PTPN9: variants seen among roughly 807,000 people sequenced by gnomAD.
PTPN9 encodes protein tyrosine phosphatase non-receptor type 9.
A neutral mutation model predicts 69.8 loss-of-function variants in PTPN9; 26 were observed. The ratio of observed to expected loss-of-function variants is 0.37; its 90% CI spans 0.27 to 0.52. The LOEUF (loss-of-function observed/expected upper bound fraction) is 0.52. PTPN9 is among the 20% of genes least tolerant of loss of function. The pLI is 0.91. For missense variants in PTPN9, 549 were observed against 740.3 expected (o/e 0.74, Z 3.00); for synonymous variants, 274 against 272.5 (o/e 1.01, Z -0.05).
In PTPN9 at chr15:75,500,276, C is replaced by T. The variant is rs2074765318; in HGVS notation, c.968+5399G>A. Among the ~76,000 whole-genome samples, 3 of 152,010 alleles carry T rather than the reference C, an allele frequency of 2.0e-5. No individual in the cohort carries two copies. In the South Asian group the frequency reaches 6.2e-4, roughly 32 times the overall value. ...GCAGTGGGCTGAGATCGTGGCACTG[C>T]ACTCTAGCCTGGCCGAGAGTGAGAC... On this transcript the variant is annotated intron_variant, in intron 7 of 12. Coordinates refer to ENST00000618819, the MANE Select transcript of PTPN9 (RefSeq NM_002833.4).
intron 8 of PTPN9, among the ~76,000 whole-genome samples, chr15:75,485,021 G>A (rs577691199): frequency 6.6e-6 from 1 of 152,136 alleles, no homozygotes; most frequent in African/African-American, 2.4e-5. Context: ...TGATAAACTC[G>A]GAGTTTTCCC....
At chr15:75,561,971 G>A (rs745950748) in intron 1 of PTPN9, among the ~76,000 whole-genome samples, 1 of 152,278 alleles carries the variant, frequency 6.6e-6, no homozygotes, top group South Asian at 2.1e-4. Context: ...GCAGCCCAAA[G>A]TGCTGGCATT....
At chr15:75,499,482 A>G (rs1277263303) in intron 7 of PTPN9, among the ~76,000 whole-genome samples, 1 of 141,560 alleles carries the variant, frequency 7.1e-6, no homozygotes, top group Non-Finnish European at 1.5e-5. Flanking sequence ...CTTGGCTCAC[A>G]GCAACCTCCG....
intron 1 of PTPN9, among the ~76,000 whole-genome samples, chr15:75,562,694 T>G (rs1306272833): frequency 7.0e-6 from 1 of 141,966 alleles, no homozygotes; most frequent in Non-Finnish European, 1.5e-5. Context: ...TAGCCGGGTG[T>G]GGTGGCGGGC....
At chr15:75,499,407 T>TTC (rs1422369559) in intron 7 of PTPN9, among the ~76,000 whole-genome samples, 1 of 142,534 alleles carries the variant, frequency 7.0e-6, no homozygotes, top group Non-Finnish European at 1.5e-5. Context: ...CACTTTTTTT[T>TTC]TTTTTTTTTT....
At chr15:75,574,059 A>G (rs1336534847) in intron 1 of PTPN9, among the ~76,000 whole-genome samples, 1 of 152,194 alleles carries the variant, frequency 6.6e-6, no homozygotes, top group Non-Finnish European at 1.5e-5. Context: ...CATGGAGCAG[A>G]GACAAGTGTG....
intron 1 of PTPN9, among the ~76,000 whole-genome samples, chr15:75,575,568 T>C (rs965052223): frequency 6.6e-6 from 1 of 152,200 alleles, no homozygotes; most frequent in East Asian, 1.9e-4. Flanking sequence ...TGAGGACCAC[T>C]TTGATAAGGC....
At chr15:75,556,593 G>T (rs2075078372) in intron 1 of PTPN9, among the ~76,000 whole-genome samples, 1 of 151,914 alleles carries the variant, frequency 6.6e-6, no homozygotes, top group South Asian at 2.1e-4. Flanking sequence ...GCCCAGGCTG[G>T]TCTCAAACTC....
chr15:75,472,779 CA>C (rs71440239), intron 10 of PTPN9, among the ~76,000 whole-genome samples: 27 of 136,104 alleles, frequency 2.0e-4, no homozygotes, highest in Admixed American at 3.0e-4. Context: ...ACACCATCTC[CA>C]AAAAAAAAAA....
intron 1 of PTPN9, among the ~76,000 whole-genome samples, chr15:75,557,402 T>C (rs112666812): frequency 0.18 from 27,723 of 151,114 alleles, 3,168 homozygotes; most frequent in Non-Finnish European, 0.26. Flanking sequence ...TCCAGCCTGG[T>C]CGACAGAATG....
intron 4 of PTPN9, 69 bp from the exon 5 acceptor site, chr15:75,517,433 T>G (rs2074876409): frequency 7.9e-7 from 1 of 1,269,616 alleles, no homozygotes; most frequent in African/African-American, 1.5e-5. Flanking sequence ...GAAAGCCTAA[T>G]GCCAAAACAA....
At chr15:75,540,559 A>AAAAG (rs371414252) in intron 1 of PTPN9, among the ~76,000 whole-genome samples, 2,137 of 106,680 alleles carry the variant, frequency 0.02, 112 homozygotes, top group Admixed American at 0.11. Context: ...AAAAAAAAAA[A>AAAAG]AAAGAAAGAA....
chr15:75,561,077 A>G (rs1269618069), intron 1 of PTPN9, among the ~76,000 whole-genome samples: 1 of 151,624 alleles, frequency 6.6e-6, no homozygotes, highest in Non-Finnish European at 1.5e-5. Context: ...AGCACTTTGG[A>G]GGCCGAGGCA....
chr15:75,527,871 A>G (rs1218201577), intron 1 of PTPN9, among the ~76,000 whole-genome samples: 1 of 151,970 alleles, frequency 6.6e-6, no homozygotes, highest in Non-Finnish European at 1.5e-5. Flanking sequence ...AAAAAGAAAG[A>G]AAGAAAAAAA....
intron 1 of PTPN9, among the ~76,000 whole-genome samples, chr15:75,541,685 C>T (rs1015428659): frequency 1.3e-5 from 2 of 152,042 alleles, no homozygotes; most frequent in East Asian, 2.0e-4. Context: ...GGATTACAGG[C>T]GTGAGCCACT....
At chr15:75,505,440 C>T (rs913567655) in intron 7 of PTPN9, among the ~76,000 whole-genome samples, 5 of 147,776 alleles carry the variant, frequency 3.4e-5, no homozygotes, top group South Asian at 2.2e-4. Context: ...CGAGAAACAC[C>T]CAAGAATGAT....
At chr15:75,578,010 G>A (rs1345496215) in intron 1 of PTPN9, among the ~76,000 whole-genome samples, 2 of 152,130 alleles carry the variant, frequency 1.3e-5, no homozygotes, top group Non-Finnish European at 2.9e-5. Flanking sequence ...AAAACTAAAG[G>A]TCATAGGCTT....
chr15:75,568,663 C>T (rs1048324797), intron 1 of PTPN9, among the ~76,000 whole-genome samples: 2 of 149,658 alleles, frequency 1.3e-5, no homozygotes, highest in African/African-American at 4.9e-5. Context: ...AGCAATACCC[C>T]CATCTCTTTA....
chr15:75,500,561 G>GA (rs1555454406), intron 7 of PTPN9, among the ~76,000 whole-genome samples: 1 of 152,016 alleles, frequency 6.6e-6, no homozygotes, highest in Admixed American at 6.6e-5. Flanking sequence ...GACTTTAAGG[G>GA]AATAACTGTT....
Sources: gnomAD v4.1 joint callset for allele counts (sites outside exome capture counted in the v4.1 genomes callset) on GRCh38, gnomAD v4.1.1 for gene constraint, MANE v1.5 for transcripts, NCBI Gene and HGNC (gene_info 2026-07-23, HGNC 2026-07-21) for gene names.